The following MCTP1 variants were observed in gnomAD, a reference collection of about 807,000 sequenced individuals.
MCTP1 encodes multiple C2 and transmembrane domain-containing protein 1.
MCTP1 carries 69 observed loss-of-function variants against 120.6 expected under a neutral mutation model. The observed-to-expected ratio is 0.57, with a 90% CI of 0.47 to 0.70. The LOEUF (loss-of-function observed/expected upper bound fraction) is 0.70, where lower values mean the gene tolerates loss of function less well. Ranked by LOEUF, MCTP1 falls within the 30% of genes least tolerant of loss-of-function variation. MCTP1 has a pLI of 0.00. For missense variants in MCTP1, 1,203 were observed against 1,248.8 expected, an observed-to-expected ratio of 0.96 and a Z score of 0.55; for synonymous variants, 529 against 493.1, an observed-to-expected ratio of 1.07 and a Z score of -0.96.
chr5:95,131,195 A>C (rs1442004951), intron 1 of MCTP1, among the ~76,000 whole-genome samples: 3 of 152,128 alleles, frequency 2.0e-5, no homozygotes, highest in African/African-American at 7.2e-5. Context: ...TGCCTTTGAC[A>C]ACAAGGAAGG....
intron 1 of MCTP1, among the ~76,000 whole-genome samples, chr5:95,032,464 C>T (rs1222093339): frequency 6.6e-6 from 1 of 151,912 alleles, no homozygotes; most frequent in Non-Finnish European, 1.5e-5. Flanking sequence ...TACACGGAAA[C>T]TAAAAAGTCT....
intron 1 of MCTP1, among the ~76,000 whole-genome samples, chr5:95,073,794 C>T (rs949145925): frequency 1.3e-5 from 2 of 152,142 alleles, no homozygotes; most frequent in South Asian, 2.1e-4. Flanking sequence ...GTTTTCTTAA[C>T]TTGGAGTGTG....
At position 95,284,588 on chromosome 5, in the gene MCTP1, GCTCCTCCTCTCCCCTCCTC is replaced by G; in HGVS notation, c.-32_-14del. 5 of 1,413,188 alleles carry G rather than the reference GCTCCTCCTCTCCCCTCCTC, an allele frequency of 3.5e-6. No individual in the cohort carries two copies. Among genetic ancestry groups the G allele is most frequent in the Non-Finnish European group, 4.6e-6 (5 of 1,096,016 alleles). The allele number at this position is 1,413,188 out of a possible 1,614,324, so 87.5% of individuals were successfully genotyped here. A position where few individuals can be genotyped will look rare whatever the true frequency, so the allele number is the denominator to read the frequency against. On this transcript the variant is annotated 5_prime_UTR_variant, in exon 1 of 23. Coordinates refer to ENST00000515393, the MANE Select transcript of MCTP1 (RefSeq NM_024717.7). This position sits in a 1 kb window ranked among gnomAD's most constrained non-coding sequence, Gnocchi z 5.2. ...CCCGGGGCTCCATCCTCCACCCCCT[GCTCCTCCTCTCCCCTCCTC>G]CTCCTCCTCCTCCTCCTGCTTCTCC... is the stretch of plus-strand genomic sequence containing the variant.
chr5:95,079,548 A>C (rs1438385647), intron 1 of MCTP1, among the ~76,000 whole-genome samples: 1 of 152,096 alleles, frequency 6.6e-6, no homozygotes, highest in Non-Finnish European at 1.5e-5. Context: ...TCATCTCTTA[A>C]TGGTCATATA....
intron 3 of MCTP1, among the ~76,000 whole-genome samples, chr5:94,944,574 G>A (rs1248450413): frequency 1.3e-5 from 2 of 152,122 alleles, no homozygotes; most frequent in African/African-American, 2.4e-5. Flanking sequence ...CACACATGAG[G>A]TTGAGAGCTG....
intron 10 of MCTP1, among the ~76,000 whole-genome samples, chr5:94,903,733 T>C (rs61272210): frequency 0.043 from 6,488 of 152,234 alleles, 177 homozygotes; most frequent in Non-Finnish European, 0.055. Flanking sequence ...ACCTAAAATA[T>C]ATGTACCCCA....
chr5:94,933,904 T>G (rs1346287960), intron 5 of MCTP1, among the ~76,000 whole-genome samples: 1 of 151,864 alleles, frequency 6.6e-6, no homozygotes, highest in African/African-American at 2.4e-5. Context: ...GTTTTATTTT[T>G]CAGATTGAGA....
At position 94,901,467 on chromosome 5, in the gene MCTP1, C is replaced by A. The variant is rs139070648; in HGVS notation, c.1653-6632G>T. Among the ~76,000 whole-genome samples the A allele has an allele frequency of 8.1e-3, 1,232 of 152,100 alleles. 6 individuals carry two copies. Among genetic ancestry groups the A allele is most frequent in the Non-Finnish European group, 0.013 (873 of 67,990 alleles). ...ATTCTACAAATGCTTCCTAGTATTCCCTGACTCATGTTCTTTCTCTCTCAC... is the reference window on the plus strand; with the variant it reads ...ATTCTACAAATGCTTCCTAGTATTCACTGACTCATGTTCTTTCTCTCTCAC... On this transcript the variant is annotated intron_variant, in intron 10 of 22. Coordinates refer to ENST00000515393, the MANE Select transcript of MCTP1 (RefSeq NM_024717.7).
At chr5:94,997,761 A>C (rs899532604) in intron 2 of MCTP1, among the ~76,000 whole-genome samples, 1 of 152,146 alleles carries the variant, frequency 6.6e-6, no homozygotes, top group Non-Finnish European at 1.5e-5. Context: ...GTTTTTATTT[A>C]TGTATTTTTT....
At chr5:95,281,329 A>G (rs1760293820) in intron 1 of MCTP1, among the ~76,000 whole-genome samples, 1 of 152,230 alleles carries the variant, frequency 6.6e-6, no homozygotes, top group African/African-American at 2.4e-5. Flanking sequence ...ATCCCCTTCC[A>G]GGTTCCAATT....
In MCTP1 at chr5:94,883,340, T is replaced by C. The variant is rs142862391; in HGVS notation, c.1933+5539A>G. Among the ~76,000 whole-genome samples the C allele has an allele frequency of 5.2e-3, 787 of 152,304 alleles. 6 individuals are homozygous for C. Among genetic ancestry groups the C allele is most frequent in the Middle Eastern group, 0.038 (11 of 290 alleles). On this transcript the variant is annotated intron_variant, in intron 12 of 22. Coordinates refer to ENST00000515393, the MANE Select transcript of MCTP1 (RefSeq NM_024717.7). ...TCTGCTTAAAAGTCTTCTATGAGCA[T>C]AATTATTAAAAAGCAAATGGAACAT...
intron 3 of MCTP1, among the ~76,000 whole-genome samples, chr5:94,952,193 A>AAAAAAAAAAAAAG (rs1820803199): frequency 6.8e-6 from 1 of 146,604 alleles, no homozygotes; most frequent in Non-Finnish European, 1.5e-5. Flanking sequence ...AAAAAAAAAA[A>AAAAAAAAAAAAAG]GCTATTGAAT....
At chr5:94,714,939 T>C in intron 19 of MCTP1, 53 bp from the exon 20 acceptor site, 2 of 1,018,204 alleles carry the variant, frequency 2.0e-6, no homozygotes, top group South Asian at 2.7e-5. Flanking sequence ...TCTTCATTGC[T>C]TGAATTCTTT....
At chr5:95,087,390 G>C (rs1259609021) in intron 1 of MCTP1, among the ~76,000 whole-genome samples, 1 of 152,218 alleles carries the variant, frequency 6.6e-6, no homozygotes, top group Non-Finnish European at 1.5e-5. Flanking sequence ...AGTAGGTAAT[G>C]CTGATCAGCG....
chr5:95,030,163 C>A (rs1053183761), intron 1 of MCTP1, among the ~76,000 whole-genome samples: 1 of 152,172 alleles, frequency 6.6e-6, no homozygotes, highest in Non-Finnish European at 1.5e-5. Context: ...GTCATGAACC[C>A]TGCAACAGGG....
chr5:95,054,116 T>C (rs926704681), intron 1 of MCTP1, among the ~76,000 whole-genome samples: 2 of 152,186 alleles, frequency 1.3e-5, no homozygotes, highest in African/African-American at 2.4e-5. Flanking sequence ...TTCAAATGTT[T>C]AAAGCTTGAA....
At chr5:95,238,908 A>G (rs999329387) in intron 1 of MCTP1, among the ~76,000 whole-genome samples, 4 of 152,088 alleles carry the variant, frequency 2.6e-5, no homozygotes, top group African/African-American at 7.2e-5. Context: ...TATAATCTCA[A>G]TTCCCTTGTA....
At chr5:95,141,283 T>C (rs534361660) in intron 1 of MCTP1, among the ~76,000 whole-genome samples, 12 of 152,326 alleles carry the variant, frequency 7.9e-5, no homozygotes, top group African/African-American at 2.6e-4. Flanking sequence ...TAAAAGAATT[T>C]GATGAAGCAA....
chr5:94,722,063 T>C (rs1761046294), intron 19 of MCTP1, among the ~76,000 whole-genome samples: 1 of 152,204 alleles, frequency 6.6e-6, no homozygotes, highest in Non-Finnish European at 1.5e-5. Flanking sequence ...AGTGATTCTT[T>C]AATATATGCC....
Sources: gnomAD v4.1 joint callset for allele counts (sites outside exome capture counted in the v4.1 genomes callset) on GRCh38, gnomAD v4.1.1 for gene constraint, Gnocchi (gnomAD v3.1) non-coding constraint, MANE v1.5 for transcripts, NCBI Gene and HGNC (gene_info 2026-07-23, HGNC 2026-07-21) for gene names.